Variants in NLGN4X observed in about 807,000 individuals in gnomAD.
The protein encoded by NLGN4X is neuroligin-4, X-linked.
Under a neutral mutation model 40.3 loss-of-function variants are expected in NLGN4X, and 3 were observed. The observed-to-expected ratio is 0.07, with a 90% CI of 0.03 to 0.19. The LOEUF is 0.19. NLGN4X is among the 10% of genes least tolerant of loss of function. NLGN4X has a pLI of 1.00. For synonymous variants in NLGN4X, 270 were observed against 306.8 expected, an observed-to-expected ratio of 0.88 and a Z score of 1.25; for missense variants, 382 against 708.3, an observed-to-expected ratio of 0.54 and a Z score of 5.23.
chrX:6,104,510 T>A (rs2038990846), intron 2 of NLGN4X, among the ~76,000 whole-genome samples: 1 of 95,251 alleles, frequency 1.0e-5, no homozygotes, highest in South Asian at 5.4e-4. Context: ...CTCACTTTTA[T>A]CCTGAAGATC....
At chrX:5,956,320 G>A (rs944660212) in intron 3 of NLGN4X, among the ~76,000 whole-genome samples, 24 of 109,676 alleles carry the variant, frequency 2.2e-4, no homozygotes, top group African/African-American at 7.9e-4. Context: ...TAAGATCATA[G>A]CACTAAAGTT....
intron 1 of NLGN4X, among the ~76,000 whole-genome samples, chrX:6,211,632 C>G (rs1014379224): frequency 2.7e-5 from 3 of 111,289 alleles, no homozygotes; most frequent in Non-Finnish European, 5.7e-5. Context: ...AGAATAGATA[C>G]TGTTATTGAT....
At position 5,891,575 on chromosome X, in the gene NLGN4X, G is replaced by A. The variant is rs1458852133; in HGVS notation, c.*1242C>T. On this transcript the variant is annotated 3_prime_UTR_variant, in exon 6 of 6. Coordinates refer to ENST00000381095, the MANE Select transcript of NLGN4X (RefSeq NM_181332.3). Reference sequence around the variant, plus strand: ...ACACAGAGCCGTATTTACTCCAAGGGGCATAGCCCCACCAAAGGCAAGCTT... The same window carrying A: ...ACACAGAGCCGTATTTACTCCAAGGAGCATAGCCCCACCAAAGGCAAGCTT... 12 of 255,350 alleles carry A rather than the reference G, an allele frequency of 4.7e-5. No homozygotes were observed. The highest frequency in any genetic ancestry group is 8.5e-5 in the Non-Finnish European group (12 of 140,499). The allele number at this position is 255,350 out of a possible 1,213,427, so 21.0% of individuals were successfully genotyped here.
At position 5,965,608 on chromosome X, in the gene NLGN4X, C is replaced by T. The variant is rs73627037; in HGVS notation, c.626-56369G>A. On this transcript the variant is annotated intron_variant, in intron 3 of 5. Transcript: ENST00000381095. ...GTGGAATGCAGTGTTTGGAACTGTC[C>T]GCTGTGCAGGTTCTGAAACCAGAGA... Among the ~76,000 whole-genome samples, 1,017 of 111,417 alleles carry T rather than the reference C, an allele frequency of 9.1e-3. 9 individuals are homozygous for T. Among genetic ancestry groups the T allele is most frequent in the African/African-American group, 0.031 (964 of 30,704 alleles).
chrX:5,947,719 A>G (rs1445481936), intron 3 of NLGN4X, among the ~76,000 whole-genome samples: 1 of 112,071 alleles, frequency 8.9e-6, no homozygotes, highest in Non-Finnish European at 1.9e-5. Flanking sequence ...GACATTTCTG[A>G]TGGAGCTGTC....
chrX:5,904,450 A>C (rs1043287171), intron 4 of NLGN4X, among the ~76,000 whole-genome samples: 1 of 112,517 alleles, frequency 8.9e-6, no homozygotes, highest in African/African-American at 3.2e-5. Flanking sequence ...ACATTCAGCT[A>C]GCTATGCTTA....
intron 3 of NLGN4X, among the ~76,000 whole-genome samples, chrX:5,984,378 T>C (rs1441850962): frequency 9.9e-5 from 9 of 90,641 alleles, no homozygotes; most frequent in African/African-American, 4.2e-4. Flanking sequence ...TAATACAAAA[T>C]ACAAAAAAAA....
intron 2 of NLGN4X, among the ~76,000 whole-genome samples, chrX:6,122,254 C>A (rs1287073582): frequency 9.0e-6 from 1 of 110,932 alleles, no homozygotes; most frequent in Non-Finnish European, 1.9e-5. Flanking sequence ...TTATTTTTTT[C>A]TTGAGATGCA....
chrX:6,053,321 G>A (rs2037538015), intron 2 of NLGN4X, among the ~76,000 whole-genome samples: 1 of 111,744 alleles, frequency 8.9e-6, no homozygotes. Flanking sequence ...TGAATTCAAA[G>A]GGAACACAAA....
intron 2 of NLGN4X, among the ~76,000 whole-genome samples, chrX:6,051,811 C>T (rs375546829): frequency 9.0e-6 from 1 of 111,000 alleles, no homozygotes; most frequent in African/African-American, 3.3e-5. Flanking sequence ...CATGCCCTCC[C>T]GTAATCCCAG....
chrX:5,903,669 G>C lies in NLGN4X; in HGVS notation c.1009C>G (p.His337Asp), dbSNP rs1490379057. The C allele has an allele frequency of 8.3e-7, 1 of 1,212,081 alleles. No homozygotes were observed. Among genetic ancestry groups the C allele is most frequent in the Non-Finnish European group, 1.1e-6 (1 of 895,642 alleles). The change falls in exon 5 of 6, where the codon CAC becomes GAC. Residue 337 changes from histidine (H) to aspartate (D), a missense_variant. By Grantham distance (81) the His-to-Asp change is moderately conservative. Coordinates refer to ENST00000381095, the MANE Select transcript of NLGN4X (RefSeq NM_181332.3). ...IQQTITPATY[H>D]IAFGPVIDGD... ...TCGATCACCGGCCCGAAGGCTATGTGGTAGGTGGCCGGGGTGATGGTCTGC... is the reference window on the plus strand; with the variant it reads ...TCGATCACCGGCCCGAAGGCTATGTCGTAGGTGGCCGGGGTGATGGTCTGC...
At chrX:6,094,564 G>A (rs1401484946) in intron 2 of NLGN4X, among the ~76,000 whole-genome samples, 2 of 110,752 alleles carry the variant, frequency 1.8e-5, no homozygotes, top group Non-Finnish European at 3.8e-5. Flanking sequence ...TATTCCCCAG[G>A]TGAGGAGATT....
At chrX:6,074,433 CTATTTACAAAT>C in intron 2 of NLGN4X, among the ~76,000 whole-genome samples, 1 of 111,502 alleles carries the variant, frequency 9.0e-6, no homozygotes, top group East Asian at 2.8e-4. Context: ...GGTCATGATG[CTATTTACAAAT>C]AGGGGATCGT....
intron 2 of NLGN4X, among the ~76,000 whole-genome samples, chrX:6,105,894 T>G (rs1036252655): frequency 5.7e-4 from 64 of 111,690 alleles, no homozygotes; most frequent in African/African-American, 2.1e-3. Context: ...CTAACACATC[T>G]CTCTCCACAC....
At chrX:6,046,158 G>C (rs2037313490) in intron 2 of NLGN4X, among the ~76,000 whole-genome samples, 1 of 111,559 alleles carries the variant, frequency 9.0e-6, no homozygotes, top group African/African-American at 3.2e-5. Context: ...AAACATAAAA[G>C]AACGCTTACA....
At position 6,133,143 on chromosome X, in the gene NLGN4X, C is replaced by T. The variant is rs184595907; in HGVS notation, c.472+17852G>A. On this transcript the variant is annotated intron_variant, in intron 2 of 5. Coordinates refer to ENST00000381095, the MANE Select transcript of NLGN4X (RefSeq NM_181332.3). ...ATCACCATCATCACCATCGTCATCA[C>T]GATAACCACCATCATCATTATCACC... 4.5e-3 allele frequency among the ~76,000 whole-genome samples: 417 copies of T among 93,375 alleles called. 3 individuals carry two copies. The highest frequency in any genetic ancestry group is 0.014 in the African/African-American group (378 of 27,221). The allele number at this position is 93,375 out of a possible 115,157, so 81.1% of individuals were successfully genotyped here.
intron 3 of NLGN4X, among the ~76,000 whole-genome samples, chrX:6,028,584 G>A (rs1000135710): frequency 1.2e-4 from 13 of 109,108 alleles, no homozygotes; most frequent in Admixed American, 5.9e-4. Flanking sequence ...ACTTGAACCC[G>A]GGAGGCAGAG....
chrX:6,027,349 T>C (rs972947106), intron 3 of NLGN4X, among the ~76,000 whole-genome samples: 1 of 112,606 alleles, frequency 8.9e-6, no homozygotes, highest in African/African-American at 3.2e-5. Flanking sequence ...AGAGACATTA[T>C]TCCGCCAAGA....
intron 1 of NLGN4X, among the ~76,000 whole-genome samples, chrX:6,198,354 T>C (rs1602409049): frequency 8.9e-6 from 1 of 111,823 alleles, no homozygotes. Context: ...GATATAAATA[T>C]TTTCATCAAG....
Sources: allele counts gnomAD v4.1 joint callset (sites outside exome capture counted in the v4.1 genomes callset), GRCh38; gene constraint gnomAD v4.1.1; transcripts MANE v1.5; gene names NCBI Gene and HGNC (gene_info 2026-07-23, HGNC 2026-07-21).